The following RGS3 variants were observed in gnomAD, a reference collection of about 807,000 sequenced individuals.
The protein encoded by RGS3 is regulator of G-protein signalling 3.
In RGS3, 80 loss-of-function variants were observed where a neutral mutation model predicts 132.6. The ratio of observed to expected loss-of-function variants is 0.60; its 90% CI spans 0.50 to 0.73. The LOEUF (loss-of-function observed/expected upper bound fraction) is 0.73, where lower values mean the gene tolerates loss of function less well. RGS3 is among the 30% of genes least tolerant of loss of function. RGS3 has a pLI of 0.00. For synonymous variants in RGS3, 598 were observed against 620.6 expected (o/e 0.96, Z 0.54); for missense variants, 1,382 against 1,530.8 (o/e 0.90, Z 1.62).
At chr9:113,581,925 C>A in intron 19 of RGS3, 1 of 631,142 alleles carries the variant, frequency 1.6e-6, no homozygotes, top group Non-Finnish European at 2.0e-6. Flanking sequence ...CGACCTTGGC[C>A]AGATCACGCT....
chr9:113,556,692 A>T (rs772273860), intron 19 of RGS3, among the ~76,000 whole-genome samples: 1 of 152,128 alleles, frequency 6.6e-6, no homozygotes, highest in Non-Finnish European at 1.5e-5. Context: ...TGTAGTGACA[A>T]TGTTGAGTGT....
intron 19 of RGS3, among the ~76,000 whole-genome samples, chr9:113,563,561 C>T (rs1275679357): frequency 6.6e-6 from 1 of 152,178 alleles, no homozygotes; most frequent in Non-Finnish European, 1.5e-5. Flanking sequence ...TTGAGACTCA[C>T]CTCCTTAGCT....
chr9:113,454,092 G>A (rs1829314772), intron 1 of RGS3, among the ~76,000 whole-genome samples: 1 of 151,828 alleles, frequency 6.6e-6, no homozygotes, highest in African/African-American at 2.4e-5. Flanking sequence ...AGGATTACAG[G>A]TGTGAGCCAC....
exon 17 of RGS3, chr9:113,523,022 G>A (rs759275123): frequency 4.8e-5 from 77 of 1,613,216 alleles, no homozygotes; most frequent in African/African-American, 2.3e-4. Context: ...TCTACCTCCA[G>A]AGTGTGAAGC....
intron 3 of RGS3, among the ~76,000 whole-genome samples, chr9:113,477,044 C>T (rs992008297): frequency 9.2e-5 from 14 of 152,156 alleles, no homozygotes; most frequent in African/African-American, 3.4e-4. Flanking sequence ...CTCTCTCTCT[C>T]CCACCCCACA....
At chr9:113,596,996 G>A (rs1329335813) in exon 25 of RGS3, 4 of 1,534,252 alleles carry the variant, frequency 2.6e-6, no homozygotes, top group African/African-American at 1.4e-5. Context: ...AGGCGGGCTG[G>A]GTCCCCTGCC....
intron 3 of RGS3, among the ~76,000 whole-genome samples, chr9:113,468,793 G>A (rs937713328): frequency 6.6e-5 from 10 of 152,140 alleles, no homozygotes; most frequent in African/African-American, 2.4e-4. Flanking sequence ...CAGGGTATCT[G>A]GGTCTGGAGA....
intron 1 of RGS3, among the ~76,000 whole-genome samples, chr9:113,448,863 T>A (rs1829177882): frequency 6.6e-6 from 1 of 152,210 alleles, no homozygotes; most frequent in Admixed American, 6.5e-5. Context: ...GAGGTCACTT[T>A]GGATATTACC....
chr9:113,522,630 A>C (rs568015788), intron 16 of RGS3: 23 of 371,366 alleles, frequency 6.2e-5, no homozygotes, highest in African/African-American at 4.5e-4. Flanking sequence ...CAGGCTGTGG[A>C]GAGGCTTGCA....
At chr9:113,521,946 C>A (rs2119406413) in intron 16 of RGS3, among the ~76,000 whole-genome samples, 1 of 152,354 alleles carries the variant, frequency 6.6e-6, no homozygotes, top group Non-Finnish European at 1.5e-5. Context: ...GGGAAGTTCA[C>A]ATACTTAATA....
intron 17 of RGS3, among the ~76,000 whole-genome samples, chr9:113,526,858 T>C (rs1049479388): frequency 2.0e-5 from 3 of 152,220 alleles, no homozygotes; most frequent in Non-Finnish European, 2.9e-5. Flanking sequence ...AAAACCCAGA[T>C]GCGTGCTGCC....
At chr9:113,492,363 C>A (rs535855264) in intron 7 of RGS3, among the ~76,000 whole-genome samples, 7 of 152,312 alleles carry the variant, frequency 4.6e-5, no homozygotes, top group Admixed American at 3.9e-4. Context: ...CCTAAACTAC[C>A]TCTTGTGTCC....
chr9:113,495,728 G>A (rs763558249), intron 7 of RGS3, 58 bp from the exon 6 acceptor site: 1 of 1,412,046 alleles, frequency 7.1e-7, no homozygotes, highest in Non-Finnish European at 1.0e-6. Flanking sequence ...CTTGATAATG[G>A]ACCTCCCGAT....
intron 14 of RGS3, among the ~76,000 whole-genome samples, chr9:113,509,800 T>A (rs2119341763): frequency 1.3e-5 from 2 of 152,304 alleles, no homozygotes; most frequent in South Asian, 4.1e-4. Context: ...AGCGCTCCCA[T>A]CAGGCTCAGG....
exon 22 of RGS3, chr9:113,594,448 C>T: frequency 6.2e-7 from 1 of 1,613,788 alleles, no homozygotes. Flanking sequence ...ACATGAAGAA[C>T]AAGCTGGGGA....
At chr9:113,564,843 G>T (rs1292994221) in intron 19 of RGS3, 1 of 823,758 alleles carries the variant, frequency 1.2e-6, no homozygotes, top group Non-Finnish European at 1.5e-6. Flanking sequence ...GGAAGTCAGC[G>T]TGTGCTGGCT....
At chr9:113,582,155 G>A (rs1834853492) in intron 19 of RGS3, 6 of 985,484 alleles carry the variant, frequency 6.1e-6, no homozygotes, top group Non-Finnish European at 7.2e-6. Context: ...CAGCTGTGGG[G>A]CTTCACCATT....
chr9:113,558,200 G>A (rs1457714279), intron 19 of RGS3, among the ~76,000 whole-genome samples: 2 of 152,134 alleles, frequency 1.3e-5, no homozygotes, highest in Non-Finnish European at 2.9e-5. Context: ...GGAGAAGAAT[G>A]GTGCTCAAAA....
At position 113,595,000 on chromosome 9, in the gene RGS3, C is replaced by T. The variant is rs201034031; in HGVS notation, c.3244+20C>T. 2.1e-5 allele frequency: 34 copies of T among 1,612,466 alleles called. No individual in the cohort carries two copies. The African/African-American group carries it at 3.2e-4, about 15-fold the overall frequency. On this transcript the variant is annotated intron_variant, in intron 23 of 24. Transcript: ENST00000350696. ...ACAAATGTAAGTTGGGCCTGCCTGC[C>T]CACTCCCTGTGCCCTCTCTCCCTCT...
Sources: gnomAD v4.1 joint callset for allele counts (sites outside exome capture counted in the v4.1 genomes callset) on GRCh38, gnomAD v4.1.1 for gene constraint, MANE v1.5 for transcripts, NCBI Gene and HGNC (gene_info 2026-07-23, HGNC 2026-07-21) for gene names.